Variants in TACC2 observed in about 807,000 individuals in gnomAD.
TACC2 encodes the protein transforming acidic coiled-coil containing protein 2.
A neutral mutation model predicts 227.3 loss-of-function variants in TACC2; 137 were observed. The ratio of observed to expected loss-of-function variants is 0.60; its 90% CI spans 0.52 to 0.69. The LOEUF is 0.69. TACC2 is among the 30% of genes least tolerant of loss of function. The pLI, the probability that TACC2 is intolerant of heterozygous loss-of-function variation, is 0.00. For missense variants in TACC2, 3,470 were observed against 3,694.4 expected, an observed-to-expected ratio of 0.94 and a Z score of 1.57; for synonymous variants, 1,523 against 1,487.5, an observed-to-expected ratio of 1.02 and a Z score of -0.55.
chr10:122,207,080 C>T (rs905457211), intron 8 of TACC2, among the ~76,000 whole-genome samples: 3 of 152,022 alleles, frequency 2.0e-5, no homozygotes, highest in Non-Finnish European at 4.4e-5. Flanking sequence ...AGACGGATCA[C>T]TTGAGGTCAG....
chr10:122,248,551 A>T, intron 19 of TACC2, 92 bp from the exon 20 acceptor site: 1 of 1,473,898 alleles, frequency 6.8e-7, no homozygotes, highest in East Asian at 2.3e-5. Context: ...CCCACTGGTG[A>T]GGCTGAGTTG....
chr10:122,058,469 C>T (rs927657508), intron 3 of TACC2, among the ~76,000 whole-genome samples: 4 of 152,154 alleles, frequency 2.6e-5, no homozygotes, highest in East Asian at 1.9e-4. Context: ...AGTGCAGTGG[C>T]GCGATCTTGG....
rs2248492 is a variant in TACC2, at chr10:122,081,019, A to G, written c.147-1628A>G. ...TTGTCTTGAGGAATTTCTCTTGTTA[A>G]TAGAATATATATGATCATAACAAGT... On this transcript the variant is annotated intron_variant, in intron 3 of 22. Coordinates refer to ENST00000369005, the MANE Select transcript of TACC2 (RefSeq NM_206862.4). 3.4e-3 allele frequency among the ~76,000 whole-genome samples: 513 copies of G among 152,294 alleles called. 3 individuals are homozygous for G. Among genetic ancestry groups the G allele is most frequent in the African/African-American group, 0.01 (432 of 41,548 alleles).
intron 7 of TACC2, among the ~76,000 whole-genome samples, chr10:122,160,314 C>T (rs1175560524): frequency 1.3e-5 from 2 of 152,192 alleles, no homozygotes; most frequent in East Asian, 3.8e-4. Context: ...GTCTAACAGA[C>T]AGGCCCCCAG....
At chr10:122,044,485 G>A (rs567304739) in intron 2 of TACC2, among the ~76,000 whole-genome samples, 13 of 152,286 alleles carry the variant, frequency 8.5e-5, no homozygotes, top group African/African-American at 2.6e-4. Context: ...TAATGCCATG[G>A]GGATGACCTT....
chr10:122,032,607 G>T (rs1959118927), intron 2 of TACC2, among the ~76,000 whole-genome samples: 1 of 152,046 alleles, frequency 6.6e-6, no homozygotes, highest in African/African-American at 2.4e-5. Flanking sequence ...TCTCTCTGTT[G>T]TCTCATTTCT....
At chr10:122,153,016 G>A in intron 7 of TACC2, among the ~76,000 whole-genome samples, 1 of 18,758 alleles carries the variant, frequency 5.3e-5, no homozygotes, top group African/African-American at 1.0e-4. Flanking sequence ...TTTTGAGACG[G>A]AGTCTCACTT....
Position 122,083,480 on chromosome 10 carries a change from C to A in TACC2, c.980C>A (p.Ala327Asp). ...SGAAPEAEVNAASQESCQQPV... is the reference protein window; with the variant it reads ...SGAAPEAEVNDASQESCQQPV... Reference sequence around the variant, plus strand: ...GCTGCCCCAGAAGCAGAAGTGAATGCCGCTTCCCAGGAGAGCTGCCAGCAG... The same window carrying A: ...GCTGCCCCAGAAGCAGAAGTGAATGACGCTTCCCAGGAGAGCTGCCAGCAG... The change falls in exon 4 of 23, where the codon GCC (alanine) becomes GAC (aspartate). Residue 327 changes from alanine (A) to aspartate (D), a missense_variant. Transcript: ENST00000369005. 1 of 1,613,280 alleles carries A rather than the reference C, an allele frequency of 6.2e-7. No homozygotes were observed. The highest frequency in any genetic ancestry group is 8.5e-7 in the Non-Finnish European group (1 of 1,180,008).
chr10:122,094,576 C>T (rs1204959095), intron 5 of TACC2, among the ~76,000 whole-genome samples: 1 of 152,162 alleles, frequency 6.6e-6, no homozygotes, highest in Non-Finnish European at 1.5e-5. Flanking sequence ...GCCACCATGC[C>T]CGACCCTCTA....
intron 12 of TACC2, among the ~76,000 whole-genome samples, chr10:122,226,005 T>G (rs1047823631): frequency 1.3e-5 from 2 of 152,202 alleles, no homozygotes; most frequent in African/African-American, 4.8e-5. Flanking sequence ...AGGTCTAGGC[T>G]CTTGCCCTAC....
At chr10:122,132,422 G>A (rs961779869) in intron 5 of TACC2, among the ~76,000 whole-genome samples, 187 bp from the exon 6 acceptor site, 2 of 152,210 alleles carry the variant, frequency 1.3e-5, no homozygotes, top group Admixed American at 6.5e-5. Flanking sequence ...GTGGCGGGGC[G>A]CCTGTAATCG....
At chr10:122,234,417 G>A (rs1273115880) in intron 16 of TACC2, among the ~76,000 whole-genome samples, 1 of 152,190 alleles carries the variant, frequency 6.6e-6, no homozygotes, top group Non-Finnish European at 1.5e-5. Flanking sequence ...GCTTTTTTTG[G>A]CCCCTCTAAA....
intron 5 of TACC2, among the ~76,000 whole-genome samples, chr10:122,121,967 G>A (rs1565360488): frequency 6.6e-6 from 1 of 152,186 alleles, no homozygotes; most frequent in Non-Finnish European, 1.5e-5. Context: ...TGGCAGCATG[G>A]GTTTCCAGGC....
At chr10:122,002,549 G>A (rs983727114) in intron 1 of TACC2, among the ~76,000 whole-genome samples, 10 of 152,246 alleles carry the variant, frequency 6.6e-5, no homozygotes, top group Middle Eastern at 3.4e-3. Context: ...TGTAGAGCAC[G>A]CTGGGACTAT....
intron 7 of TACC2, among the ~76,000 whole-genome samples, chr10:122,172,860 C>T (rs2093543522): frequency 6.6e-6 from 1 of 152,048 alleles, no homozygotes; most frequent in South Asian, 2.1e-4. Flanking sequence ...GCAGGCTGTC[C>T]CTTTGGCATT....
intron 15 of TACC2, 60 bp downstream of exon 15, chr10:122,229,546 C>T: frequency 6.3e-7 from 1 of 1,586,568 alleles, no homozygotes; most frequent in Non-Finnish European, 8.6e-7. Flanking sequence ...AGAATGAACC[C>T]CCGAGGCCCA....
At chr10:121,993,383 T>C (rs779121047) in intron 1 of TACC2, among the ~76,000 whole-genome samples, 2 of 152,214 alleles carry the variant, frequency 1.3e-5, no homozygotes, top group South Asian at 2.1e-4. Flanking sequence ...TGAAAAATTA[T>C]ACATTCACAT....
At chr10:122,236,002 A>G (rs567433891) in intron 16 of TACC2, among the ~76,000 whole-genome samples, 97 of 152,180 alleles carry the variant, frequency 6.4e-4, no homozygotes, top group Non-Finnish European at 1.2e-3. Flanking sequence ...AACCGAAACT[A>G]TATAGTTTCA....
chr10:122,118,738 C>A (rs1334075220), intron 5 of TACC2, among the ~76,000 whole-genome samples: 2 of 152,144 alleles, frequency 1.3e-5, no homozygotes, highest in South Asian at 2.1e-4. Flanking sequence ...TTTGCCTCAT[C>A]TATATAAGAA....
Sources: gnomAD v4.1 joint callset for allele counts (sites outside exome capture counted in the v4.1 genomes callset) on GRCh38, gnomAD v4.1.1 for gene constraint, MANE v1.5 for transcripts, NCBI Gene and HGNC (gene_info 2026-07-23, HGNC 2026-07-21) for gene names.